RALYL: variants seen among roughly 807,000 people sequenced by gnomAD.
RALYL encodes RALY RNA binding protein like, also known as RNA-binding Raly-like protein.
Under a neutral mutation model 35.1 loss-of-function variants are expected in RALYL, and 29 were observed. The ratio of observed to expected loss-of-function variants is 0.83; its 90% CI spans 0.61 to 1.13. The LOEUF (loss-of-function observed/expected upper bound fraction) is 1.13, where lower values mean the gene tolerates loss of function less well. Among genes scored for constraint, RALYL ranks in the 50% most tolerant of loss-of-function variants. The pLI, the probability that RALYL is intolerant of heterozygous loss-of-function variation, is 0.00. For missense variants in RALYL, 359 were observed against 360.4 expected (o/e 1.00, Z 0.03); for synonymous variants, 120 against 127.6 (o/e 0.94, Z 0.40).
chr8:84,486,725 T>C (rs551764982), intron 1 of RALYL, among the ~76,000 whole-genome samples: 3 of 152,208 alleles, frequency 2.0e-5, no homozygotes, highest in South Asian at 4.1e-4. Flanking sequence ...AGTGGTTACA[T>C]TGAAAGTGAA....
intron 1 of RALYL, among the ~76,000 whole-genome samples, chr8:84,366,394 T>A (rs1479262012): frequency 2.0e-5 from 3 of 152,240 alleles, no homozygotes; most frequent in South Asian, 2.1e-4. Flanking sequence ...AAAGATAATA[T>A]AAGCACTCTG....
intron 2 of RALYL, among the ~76,000 whole-genome samples, chr8:84,700,243 A>ACT: frequency 6.6e-6 from 1 of 152,158 alleles, no homozygotes; most frequent in South Asian, 2.1e-4. Flanking sequence ...GATGCAGTAA[A>ACT]AATAAAATCA....
chr8:84,322,232 T>C (rs2130433988), intron 1 of RALYL, among the ~76,000 whole-genome samples: 1 of 152,196 alleles, frequency 6.6e-6, no homozygotes, highest in East Asian at 1.9e-4. Context: ...CAAGCTCACA[T>C]GAAGTATCCA....
chr8:84,545,974 T>C (rs2135347045), intron 2 of RALYL, among the ~76,000 whole-genome samples: 1 of 152,302 alleles, frequency 6.6e-6, no homozygotes, highest in Non-Finnish European at 1.5e-5. Context: ...TGATGAACAT[T>C]CTTGTGTTGC....
intron 1 of RALYL, among the ~76,000 whole-genome samples, chr8:84,222,765 C>T (rs937198629): frequency 1.3e-5 from 2 of 152,092 alleles, no homozygotes; most frequent in African/African-American, 2.4e-5. Context: ...CTAACCTCAG[C>T]TTCTTATGTA....
chr8:84,697,050 A>G (rs1321421780), intron 2 of RALYL, among the ~76,000 whole-genome samples: 1 of 152,030 alleles, frequency 6.6e-6, no homozygotes, highest in Admixed American at 6.6e-5. Flanking sequence ...CTAAATAGGA[A>G]CAGGAAAGGA....
intron 1 of RALYL, among the ~76,000 whole-genome samples, chr8:84,358,025 T>C (rs1460097741): frequency 6.6e-6 from 1 of 151,710 alleles, no homozygotes; most frequent in Non-Finnish European, 1.5e-5. Flanking sequence ...CAAAATAATT[T>C]TGAAGAATAC....
At chr8:84,206,098 C>A (rs2131080040) in intron 1 of RALYL, among the ~76,000 whole-genome samples, 1 of 152,274 alleles carries the variant, frequency 6.6e-6, no homozygotes, top group South Asian at 2.1e-4. Flanking sequence ...GCCCTTTCTC[C>A]AAATGCAGAC....
chr8:84,254,558 A>G (rs1830848098), intron 1 of RALYL, among the ~76,000 whole-genome samples: 1 of 151,932 alleles, frequency 6.6e-6, no homozygotes, highest in South Asian at 2.1e-4. Context: ...TAGCTTGAGT[A>G]TCTTTCCTGA....
At chr8:84,451,089 CG>C (rs2049421637) in intron 1 of RALYL, among the ~76,000 whole-genome samples, 1 of 151,616 alleles carries the variant, frequency 6.6e-6, no homozygotes, top group Admixed American at 6.6e-5. Flanking sequence ...AATTTCTATT[CG>C]GGTAAATAAG....
chr8:84,816,630 G>T (rs533440666), intron 4 of RALYL, among the ~76,000 whole-genome samples: 1 of 151,980 alleles, frequency 6.6e-6, no homozygotes, highest in African/African-American at 2.4e-5. Flanking sequence ...ACATCACTGG[G>T]GCAGGGGCGG....
chr8:84,787,472 C>T (rs1039301864), intron 3 of RALYL, among the ~76,000 whole-genome samples: 14 of 152,280 alleles, frequency 9.2e-5, no homozygotes, highest in Admixed American at 5.2e-4. Context: ...AACAGTGCTG[C>T]AGTAAACATA....
At chr8:84,331,973 C>A (rs188412288) in intron 1 of RALYL, among the ~76,000 whole-genome samples, 1 of 151,982 alleles carries the variant, frequency 6.6e-6, no homozygotes, top group Non-Finnish European at 1.5e-5. Context: ...GTTTATGTTA[C>A]GAGGTTCTTA....
At chr8:84,774,318 A>T (rs2718969) in intron 2 of RALYL, among the ~76,000 whole-genome samples, 34,988 of 152,018 alleles carry the variant, frequency 0.23, 4,256 homozygotes, top group Non-Finnish European at 0.25. Context: ...ATAGTTTTTA[A>T]TTATTATGTT....
At chr8:84,735,841 A>AGAGAGAGAGAGAGAGAGAGAGAGAGAAC (rs1180314583) in intron 2 of RALYL, among the ~76,000 whole-genome samples, 14 of 150,522 alleles carry the variant, frequency 9.3e-5, no homozygotes, top group African/African-American at 3.5e-4. Context: ...AGAGAGAGAG[A>AGAGAGAGAGAGAGAGAGAGAGAGAGAAC]GAGAGAGAAC....
intron 2 of RALYL, among the ~76,000 whole-genome samples, chr8:84,720,417 C>T (rs1374597910): frequency 6.6e-6 from 1 of 152,076 alleles, no homozygotes; most frequent in African/African-American, 2.4e-5. Flanking sequence ...ACAACCTCTT[C>T]AACAAAGGGT....
intron 2 of RALYL, among the ~76,000 whole-genome samples, chr8:84,680,497 C>T (rs1472676133): frequency 6.6e-6 from 1 of 152,136 alleles, no homozygotes; most frequent in African/African-American, 2.4e-5. Context: ...TCTCCACATC[C>T]TCTCCAGCAC....
chr8:84,747,488 A>G (rs1206226469), intron 2 of RALYL, among the ~76,000 whole-genome samples: 1 of 151,910 alleles, frequency 6.6e-6, no homozygotes, highest in African/African-American at 2.4e-5. Context: ...AGTTAATTAT[A>G]TTATCTTAAA....
intron 1 of RALYL, among the ~76,000 whole-genome samples, chr8:84,245,455 GT>G (rs1198621926): frequency 6.6e-6 from 1 of 152,092 alleles, no homozygotes; most frequent in Non-Finnish European, 1.5e-5. Context: ...CCTTAGATTG[GT>G]GGTCCAAATG....
Sources: gnomAD v4.1 joint callset for allele counts (sites outside exome capture counted in the v4.1 genomes callset) on GRCh38, gnomAD v4.1.1 for gene constraint, MANE v1.5 for transcripts, NCBI Gene and HGNC (gene_info 2026-07-23, HGNC 2026-07-21) for gene names.